Variants in NBAS observed in about 807,000 individuals in gnomAD.
The protein encoded by NBAS is NBAS subunit of NRZ tethering complex.
In NBAS, 219 loss-of-function variants were observed where a neutral mutation model predicts 302.5. That is an observed-to-expected ratio of 0.72 (90% CI 0.65 to 0.81). The LOEUF (loss-of-function observed/expected upper bound fraction) is 0.81, where lower values mean the gene tolerates loss of function less well. Ranked by LOEUF, NBAS falls within the 30% of genes least tolerant of loss-of-function variation. The pLI is 0.00. For missense variants in NBAS, 2,932 were observed against 2,841.6 expected (o/e 1.03, Z -0.72); for synonymous variants, 1,118 against 1,021.6 (o/e 1.09, Z -1.80).
the NBAS span, among the ~76,000 whole-genome samples, chr2:15,108,985 C>G: frequency 6.6e-6 from 1 of 152,024 alleles, no homozygotes; most frequent in Non-Finnish European, 1.5e-5. Flanking sequence ...AATAAAGGAA[C>G]CAGTCAAGGT....
chr2:15,309,297 C>G, intron 38 of NBAS, 50 bp from the exon 39 acceptor site: 1 of 1,458,200 alleles, frequency 6.9e-7, no homozygotes, highest in South Asian at 1.2e-5. Flanking sequence ...ATATGATATT[C>G]ATAGTTATTA....
the NBAS span, among the ~76,000 whole-genome samples, chr2:14,867,492 T>A: frequency 1.1e-4 from 17 of 152,216 alleles, no homozygotes; most frequent in Admixed American, 6.5e-4. Flanking sequence ...TGGCAAGGTC[T>A]GTATTTTAAA....
rs538202694 is a variant in NBAS, at chr2:15,305,021, G to T, written c.4797+3195C>A. 5.0e-4 allele frequency among the ~76,000 whole-genome samples: 76 copies of T among 152,280 alleles called. 1 individual carries two copies. Among genetic ancestry groups the T allele is most frequent in the African/African-American group, 1.8e-3 (73 of 41,558 alleles). On this transcript the variant is annotated intron_variant, in intron 40 of 51. Transcript: ENST00000281513. ...TTTGGACTTGGACTTTTGGGTTAGT[G>T]CTAGAACAAATTAAGATTCTGGGGA...
intron 23 of NBAS, among the ~76,000 whole-genome samples, chr2:15,419,166 C>G (rs1024027555): frequency 6.6e-6 from 1 of 151,996 alleles, no homozygotes; most frequent in African/African-American, 2.4e-5. Context: ...TAATAAGGGG[C>G]TAAACTATGA....
the NBAS span, among the ~76,000 whole-genome samples, chr2:15,071,304 T>C: frequency 5.0e-4 from 76 of 152,256 alleles, no homozygotes; most frequent in Non-Finnish European, 8.7e-4. Flanking sequence ...GGGATACTAT[T>C]ATATGGCCTG....
At chr2:15,310,077 T>C (rs1183044975) in intron 38 of NBAS, among the ~76,000 whole-genome samples, 1 of 152,244 alleles carries the variant, frequency 6.6e-6, no homozygotes, top group Non-Finnish European at 1.5e-5. Context: ...ATATTTGACT[T>C]TGGAAATGCA....
At chr2:15,033,934 C>A in the NBAS span, among the ~76,000 whole-genome samples, 1 of 146,374 alleles carries the variant, frequency 6.8e-6, no homozygotes, top group Non-Finnish European at 1.5e-5. Flanking sequence ...GACAACAGGG[C>A]AAGACCTTGT....
rs766787793 is a variant in NBAS, at chr2:15,238,703, G to A, written c.5725-17C>T. On this transcript the variant is annotated splice_polypyrimidine_tract_variant and intron_variant, in intron 44 of 51. Coordinates refer to ENST00000281513, the MANE Select transcript of NBAS (RefSeq NM_015909.4). ...CACAGACAGCTTAAAAAAAAGAATA[G>A]TGAGACCAAAGAACCCTGCATTATT... The A allele has an allele frequency of 1.0e-5, 4 of 389,288 alleles. No individual in the cohort carries two copies. The highest frequency in any genetic ancestry group is 2.9e-5 in the African/African-American group (1 of 34,988). The allele number at this position is 389,288 out of a possible 1,614,324, so 24.1% of individuals were successfully genotyped here.
intron 40 of NBAS, among the ~76,000 whole-genome samples, chr2:15,293,875 C>A (rs545746384): frequency 6.6e-6 from 1 of 150,736 alleles, no homozygotes; most frequent in South Asian, 2.1e-4. Flanking sequence ...TAGATTCTGG[C>A]ATGTGGATTT....
the NBAS span, among the ~76,000 whole-genome samples, chr2:14,912,275 G>A: frequency 5.3e-5 from 8 of 152,246 alleles, no homozygotes; most frequent in African/African-American, 1.9e-4. Flanking sequence ...TTAGAAAGGT[G>A]CCTGTCCATA....
At chr2:15,435,953 A>G (rs1411052279) in intron 21 of NBAS, among the ~76,000 whole-genome samples, 1 of 152,234 alleles carries the variant, frequency 6.6e-6, no homozygotes, top group Non-Finnish European at 1.5e-5. Flanking sequence ...TATAAGCAAT[A>G]ATTTTAACTA....
intron 42 of NBAS, among the ~76,000 whole-genome samples, chr2:15,280,338 A>C (rs1468382057): frequency 1.3e-5 from 2 of 152,114 alleles, no homozygotes; most frequent in Non-Finnish European, 2.9e-5. Context: ...CTTAGAAGGA[A>C]AGAGGAAGGA....
chr2:14,848,337 G>T, the NBAS span, among the ~76,000 whole-genome samples: 1 of 144,376 alleles, frequency 6.9e-6, no homozygotes, highest in Non-Finnish European at 1.5e-5. Context: ...GGAAAATCGG[G>T]TCACTCCCAC....
intron 14 of NBAS, 132 bp from the exon 15 acceptor site, chr2:15,474,456 C>T (rs1680101408): frequency 1.1e-6 from 1 of 949,360 alleles, no homozygotes; most frequent in African/African-American, 1.7e-5. Flanking sequence ...TCAAGATTAA[C>T]AATGGAACTC....
chr2:15,488,085 G>T (rs1189364722), intron 12 of NBAS, among the ~76,000 whole-genome samples: 1 of 152,090 alleles, frequency 6.6e-6, no homozygotes, highest in Non-Finnish European at 1.5e-5. Flanking sequence ...GATCCATTCA[G>T]GTCATTCAGG....
the NBAS span, among the ~76,000 whole-genome samples, chr2:14,807,464 TGTG>T: frequency 2.0e-5 from 3 of 147,632 alleles, no homozygotes; most frequent in Non-Finnish European, 4.4e-5. Context: ...AGTGTGTGTG[TGTG>T]TGTGTGTGTG....
the NBAS span, among the ~76,000 whole-genome samples, chr2:14,926,134 G>T: frequency 6.6e-6 from 1 of 152,146 alleles, no homozygotes; most frequent in Non-Finnish European, 1.5e-5. Flanking sequence ...GAAAAGGTGT[G>T]ATAGAGCCAA....
chr2:15,077,135 CT>C, the NBAS span, among the ~76,000 whole-genome samples: 1 of 152,098 alleles, frequency 6.6e-6, no homozygotes, highest in African/African-American at 2.4e-5. Context: ...CTGGGGAGGC[CT>C]CAGGAAACTT....
At chr2:14,782,924 T>C in the NBAS span, among the ~76,000 whole-genome samples, 1 of 151,832 alleles carries the variant, frequency 6.6e-6, no homozygotes, top group Non-Finnish European at 1.5e-5. Flanking sequence ...CATGGACACA[T>C]AGAGGGGAAT....
Sources: gnomAD v4.1 joint callset for allele counts (sites outside exome capture counted in the v4.1 genomes callset) on GRCh38, gnomAD v4.1.1 for gene constraint, MANE v1.5 for transcripts, NCBI Gene and HGNC (gene_info 2026-07-23, HGNC 2026-07-21) for gene names.